The following GFOD1 variants were observed in gnomAD, a reference collection of about 807,000 sequenced individuals.
GFOD1 encodes the protein Gfo/Idh/MocA-like oxidoreductase domain containing 1.
Under a neutral mutation model 25.4 loss-of-function variants are expected in GFOD1, and 9 were observed. That is an observed-to-expected ratio of 0.35 (90% CI 0.21 to 0.62). The LOEUF (loss-of-function observed/expected upper bound fraction) is 0.62, where lower values mean the gene tolerates loss of function less well. Among genes scored for constraint, GFOD1 ranks in the 20% least tolerant of loss-of-function variants. The pLI, the probability that GFOD1 is intolerant of heterozygous loss-of-function variation, is 0.72. For synonymous variants in GFOD1, 253 were observed against 245.6 expected (o/e 1.03, Z -0.28); for missense variants, 403 against 556.9 (o/e 0.72, Z 2.78).
intron 1 of GFOD1, among the ~76,000 whole-genome samples, chr6:13,461,515 C>T (rs868509470): frequency 8.5e-5 from 13 of 152,154 alleles, no homozygotes; most frequent in Admixed American, 2.6e-4. Context: ...CCCAAGCTGC[C>T]GGCCCCCGCT....
At chr6:13,431,650 A>T (rs1757752410) in intron 1 of GFOD1, among the ~76,000 whole-genome samples, 2 of 152,246 alleles carry the variant, frequency 1.3e-5, no homozygotes, top group Admixed American at 6.5e-5. Context: ...TACTCCAATT[A>T]GCATTATGCA....
chr6:13,369,546 C>A (rs1402644492), intron 1 of GFOD1, among the ~76,000 whole-genome samples: 1 of 152,074 alleles, frequency 6.6e-6, no homozygotes, highest in Non-Finnish European at 1.5e-5. Context: ...CCTGTAGTCC[C>A]AGCTACTTAG....
chr6:13,418,380 C>A (rs944706809), intron 1 of GFOD1, among the ~76,000 whole-genome samples: 5 of 152,246 alleles, frequency 3.3e-5, no homozygotes, highest in African/African-American at 1.2e-4. Flanking sequence ...GTCTGATTGA[C>A]ACATCACTGA....
intron 1 of GFOD1, among the ~76,000 whole-genome samples, chr6:13,436,754 A>C (rs1166415248): frequency 6.6e-6 from 1 of 152,210 alleles, no homozygotes; most frequent in East Asian, 1.9e-4. Flanking sequence ...CTGGGCACAT[A>C]CTTAATCATT....
At chr6:13,369,544 C>A (rs1416020918) in intron 1 of GFOD1, among the ~76,000 whole-genome samples, 1 of 152,076 alleles carries the variant, frequency 6.6e-6, no homozygotes, top group Non-Finnish European at 1.5e-5. Context: ...TGCCTGTAGT[C>A]CCAGCTACTT....
intron 1 of GFOD1, among the ~76,000 whole-genome samples, chr6:13,466,613 T>G (rs1195977758): frequency 2.6e-5 from 4 of 152,206 alleles, no homozygotes; most frequent in Admixed American, 2.0e-4. Context: ...GACCTGCAGT[T>G]GCTTGGGATG....
At chr6:13,467,007 G>A (rs1398063989) in intron 1 of GFOD1, among the ~76,000 whole-genome samples, 2 of 151,898 alleles carry the variant, frequency 1.3e-5, no homozygotes, top group Non-Finnish European at 2.9e-5. Flanking sequence ...AACCAACAAT[G>A]AGCCATGCTA....
At chr6:13,422,434 A>G (rs1786276315) in intron 1 of GFOD1, among the ~76,000 whole-genome samples, 1 of 152,172 alleles carries the variant, frequency 6.6e-6, no homozygotes, top group Non-Finnish European at 1.5e-5. Context: ...CCAAGATGCT[A>G]CACAGAGAGT....
intron 1 of GFOD1, among the ~76,000 whole-genome samples, chr6:13,429,014 C>T (rs1017833936): frequency 1.3e-5 from 2 of 152,208 alleles, no homozygotes; most frequent in African/African-American, 4.8e-5. Context: ...CGTGAGCCAG[C>T]TTGCTAGATG....
intron 1 of GFOD1, among the ~76,000 whole-genome samples, chr6:13,475,719 A>AAATAAT (rs56303574): frequency 3.7e-4 from 50 of 135,570 alleles, no homozygotes; most frequent in African/African-American, 1.2e-3. Flanking sequence ...CTCCATCTCA[A>AAATAAT]AATAATAATA....
chr6:13,413,798 A>G (rs1786119094), intron 1 of GFOD1, among the ~76,000 whole-genome samples: 1 of 152,198 alleles, frequency 6.6e-6, no homozygotes, highest in Non-Finnish European at 1.5e-5. Context: ...ATAAGACCCC[A>G]AGGCTCTACC....
intron 1 of GFOD1, among the ~76,000 whole-genome samples, chr6:13,451,488 ATC>A (rs1211928741): frequency 6.6e-6 from 1 of 152,170 alleles, no homozygotes; most frequent in Non-Finnish European, 1.5e-5. Flanking sequence ...GTCCACTCTG[ATC>A]AACACAGGGT....
At chr6:13,474,453 G>A (rs1423851016) in intron 1 of GFOD1, among the ~76,000 whole-genome samples, 1 of 152,106 alleles carries the variant, frequency 6.6e-6, no homozygotes, top group African/African-American at 2.4e-5. Context: ...TTGTAGACTG[G>A]CACTGGGAAG....
At chr6:13,376,092 A>C (rs1785249268) in intron 1 of GFOD1, among the ~76,000 whole-genome samples, 1 of 152,204 alleles carries the variant, frequency 6.6e-6, no homozygotes, top group Non-Finnish European at 1.5e-5. Context: ...GGTATGTAGA[A>C]CCAAGAGACC....
At chr6:13,398,054 G>A (rs766265662) in intron 1 of GFOD1, among the ~76,000 whole-genome samples, 6 of 152,188 alleles carry the variant, frequency 3.9e-5, no homozygotes, top group Non-Finnish European at 8.8e-5. Flanking sequence ...AGCCTCTGCC[G>A]CTGGGTTTGA....
At chr6:13,444,611 T>G (rs1277225752) in intron 1 of GFOD1, among the ~76,000 whole-genome samples, 2 of 152,160 alleles carry the variant, frequency 1.3e-5, no homozygotes, top group East Asian at 3.8e-4. Context: ...ATATTTTTAT[T>G]GGGATTGAAT....
intron 1 of GFOD1, among the ~76,000 whole-genome samples, chr6:13,472,466 C>G (rs1002862746): frequency 6.6e-6 from 1 of 152,174 alleles, no homozygotes; most frequent in Non-Finnish European, 1.5e-5. Flanking sequence ...ATTGAGTCCT[C>G]ATTTTAAACA....
rs544068173 is a variant in GFOD1, at chr6:13,391,950, C to T, written c.254-26288G>A. 3.3e-5 allele frequency among the ~76,000 whole-genome samples: 5 copies of T among 152,288 alleles called. No individual in the cohort carries two copies. The South Asian group carries it at 1.0e-3, about 32-fold the overall frequency. On this transcript the variant is annotated intron_variant, in intron 1 of 1. Coordinates refer to ENST00000379287, the MANE Select transcript of GFOD1 (RefSeq NM_018988.4). ...TTGATAAACAGTTACTTGTAGTAGA[C>T]AGTTGGTGAACAGGCCTGCCCATGG...
chr6:13,450,892 G>A (rs1758085539), intron 1 of GFOD1, among the ~76,000 whole-genome samples: 2 of 152,196 alleles, frequency 1.3e-5, no homozygotes, highest in African/African-American at 4.8e-5. Context: ...TTGCAGGCAG[G>A]CCCTTATAAG....
Sources: gnomAD v4.1 joint callset for allele counts (sites outside exome capture counted in the v4.1 genomes callset) on GRCh38, gnomAD v4.1.1 for gene constraint, MANE v1.5 for transcripts, NCBI Gene and HGNC (gene_info 2026-07-23, HGNC 2026-07-21) for gene names.